ITSN1: variants seen among roughly 807,000 people sequenced by gnomAD.
ITSN1 encodes the protein intersectin 1, also known as intersectin-1.
A neutral mutation model predicts 239.8 loss-of-function variants in ITSN1; 58 were observed. The ratio of observed to expected loss-of-function variants is 0.24; its 90% confidence interval spans 0.20 to 0.30. The LOEUF is 0.30. Among genes scored for constraint, ITSN1 ranks in the 10% least tolerant of loss-of-function variants. The pLI is 1.00. For synonymous variants in ITSN1, 780 were observed against 770.8 expected, an observed-to-expected ratio of 1.01 and a Z score of -0.20; for missense variants, 1,558 against 2,103.3, an observed-to-expected ratio of 0.74 and a Z score of 5.07.
intron 1 of ITSN1, among the ~76,000 whole-genome samples, chr21:33,705,911 A>G (rs371090367): frequency 6.6e-6 from 1 of 151,880 alleles, no homozygotes; most frequent in African/African-American, 2.4e-5. Flanking sequence ...AGCAGCTTTA[A>G]TTTTTTTTCT....
intron 14 of ITSN1, among the ~76,000 whole-genome samples, chr21:33,776,024 G>T (rs1187411823): frequency 6.6e-6 from 1 of 152,080 alleles, no homozygotes; most frequent in East Asian, 1.9e-4. Flanking sequence ...TTTGAGATGT[G>T]TCCATGTTAC....
chr21:33,663,759 C>T (rs879477080), intron 1 of ITSN1, among the ~76,000 whole-genome samples: 1 of 152,184 alleles, frequency 6.6e-6, no homozygotes, highest in Non-Finnish European at 1.5e-5. Flanking sequence ...TGCATCACCA[C>T]GCCTGGCTAA....
chr21:33,847,641 C>T (rs1049013326), intron 29 of ITSN1, among the ~76,000 whole-genome samples: 6 of 152,004 alleles, frequency 3.9e-5, no homozygotes, highest in African/African-American at 1.2e-4. Flanking sequence ...TCAGAGGGCC[C>T]GAAGAGTGGA....
intron 25 of ITSN1, among the ~76,000 whole-genome samples, chr21:33,824,048 TCTG>T (rs2073840991): frequency 6.6e-6 from 1 of 152,234 alleles, no homozygotes; most frequent in Non-Finnish European, 1.5e-5. Context: ...ACAGAAGTAT[TCTG>T]GTGATAATCG....
intron 33 of ITSN1, among the ~76,000 whole-genome samples, chr21:33,870,888 T>G (rs887122442): frequency 3.9e-5 from 6 of 152,168 alleles, no homozygotes; most frequent in Non-Finnish European, 4.4e-5. Flanking sequence ...AGCAGGTAGA[T>G]GGGACATGGC....
chr21:33,882,238 C>T lies in ITSN1; in HGVS notation c.4342-5C>T, dbSNP rs1407324862. The T allele has an allele frequency of 3.1e-6, 5 of 1,611,612 alleles. No individual in the cohort carries two copies. Among genetic ancestry groups the T allele is most frequent in the Non-Finnish European group, 4.2e-6 (5 of 1,179,188 alleles). On this transcript the variant is annotated splice_region_variant and splice_polypyrimidine_tract_variant and intron_variant, in intron 34 of 39. Coordinates refer to ENST00000381318, the MANE Select transcript of ITSN1 (RefSeq NM_003024.3). This position sits in a 1 kb window ranked among gnomAD's most constrained non-coding sequence, Gnocchi z 4.5. ...TACACTTTGGGTTTTGTTTTCCTTT[C>T]TCAGCAACTTGTGTTCAATTCAGTG...
chr21:33,764,387 G>A (rs2068576200), intron 9 of ITSN1, among the ~76,000 whole-genome samples: 1 of 152,132 alleles, frequency 6.6e-6, no homozygotes, highest in Non-Finnish European at 1.5e-5. Context: ...ACACAAAAAG[G>A]AACAGAATAA....
chr21:33,680,862 C>T (rs189286386), intron 1 of ITSN1, among the ~76,000 whole-genome samples: 10 of 152,302 alleles, frequency 6.6e-5, no homozygotes, highest in East Asian at 1.9e-4. Flanking sequence ...ATCCCTTGCT[C>T]GTAGGTTATT....
At chr21:33,794,317 G>A in intron 16 of ITSN1, 24 bp from the exon 17 acceptor site, 1 of 1,568,394 alleles carries the variant, frequency 6.4e-7, no homozygotes, top group South Asian at 1.1e-5. Context: ...GTCGCTACAT[G>A]AACTGTTTCT....
rs58496273 is a variant in ITSN1, at chr21:33,784,310, A to AACACACACACACACACACAC, written c.1824+2202_1824+2221dup. ...AAAGGGTGAAGCCCTGTCTCTACAA[A>AACACACACACACACACACAC]ACACACACACACACACACACACACA... is the stretch of plus-strand genomic sequence containing the variant. On this transcript the variant is annotated intron_variant, in intron 16 of 39. Transcript: ENST00000381318. 9.3e-3 allele frequency among the ~76,000 whole-genome samples: 1,252 copies of AACACACACACACACACACAC among 134,172 alleles called. 10 individuals carry two copies. Among genetic ancestry groups the AACACACACACACACACACAC allele is most frequent in the Admixed American group, 0.016 (205 of 12,806 alleles). 88.0% of individuals were successfully genotyped at this position (134,172 alleles called of 152,430 possible).
chr21:33,733,022 C>G (rs1027951541), intron 4 of ITSN1, among the ~76,000 whole-genome samples: 7 of 152,146 alleles, frequency 4.6e-5, no homozygotes, highest in African/African-American at 1.7e-4. Flanking sequence ...AAATCCCCTT[C>G]TAAGGCAGTT....
In ITSN1 at chr21:33,794,419, C is replaced by G. The variant is rs2071379449; in HGVS notation, c.1903C>G (p.Gln635Glu). 2 of 1,613,694 alleles carry G rather than the reference C, an allele frequency of 1.2e-6. No individual in the cohort carries two copies. Among genetic ancestry groups the G allele is most frequent in the East Asian group, 4.5e-5 (2 of 44,860 alleles). ...MEAERLKQKE[Q>E]ERKIIELEKQ... ...GGCTGAACGACTGAAACAGAAAGAA[C>G]AAGAACGAAAGATCATAGAATTAGA... is the stretch of plus-strand genomic sequence containing the variant. The change falls in exon 17 of 40, where the codon CAA becomes GAA. Residue 635 changes from glutamine to glutamate, a missense_variant. Around this residue, in one of 2 missense-constraint regions of ITSN1, gnomAD observed 982 missense variants for 1,209.9 expected, o/e 0.81. Transcript: ENST00000381318.
chr21:33,718,725 G>A (rs369025706), intron 1 of ITSN1, 72 bp from the exon 2 acceptor site: 1 of 933,406 alleles, frequency 1.1e-6, no homozygotes, highest in East Asian at 2.4e-5. Context: ...ATTAAAGATA[G>A]CATGTTGGTG....
intron 1 of ITSN1, among the ~76,000 whole-genome samples, chr21:33,651,094 G>T (rs1459278431): frequency 6.6e-6 from 1 of 152,240 alleles, no homozygotes; most frequent in Non-Finnish European, 1.5e-5. Flanking sequence ...GACACGCAAG[G>T]GTTATTTGTT....
intron 27 of ITSN1, among the ~76,000 whole-genome samples, chr21:33,830,482 G>A (rs949797233): frequency 2.6e-5 from 4 of 152,188 alleles, no homozygotes; most frequent in Non-Finnish European, 5.9e-5. Flanking sequence ...ATGATGAGCA[G>A]TGGGGAGACC....
intron 29 of ITSN1, among the ~76,000 whole-genome samples, chr21:33,852,485 T>A (rs1207265816): frequency 6.6e-6 from 1 of 152,218 alleles, no homozygotes; most frequent in Admixed American, 6.5e-5. Flanking sequence ...ATGATGCTGT[T>A]CATACAAATA....
intron 16 of ITSN1, among the ~76,000 whole-genome samples, chr21:33,787,242 G>A (rs940456426): frequency 1.3e-4 from 20 of 152,196 alleles, no homozygotes; most frequent in African/African-American, 4.6e-4. Flanking sequence ...AAATGTGAAA[G>A]CGCTCAGTTG....
chr21:33,705,879 T>A (rs1481118334), intron 1 of ITSN1, among the ~76,000 whole-genome samples: 1 of 152,216 alleles, frequency 6.6e-6, no homozygotes, highest in African/African-American at 2.4e-5. Context: ...TGACTATATA[T>A]TTAGTGAGTT....
intron 1 of ITSN1, among the ~76,000 whole-genome samples, chr21:33,703,544 G>C (rs1376738435): frequency 6.6e-6 from 1 of 152,078 alleles, no homozygotes; most frequent in African/African-American, 2.4e-5. Flanking sequence ...AAAATATCTA[G>C]GTCCAGCAAT....
Sources: gnomAD v4.1 joint callset for allele counts (sites outside exome capture counted in the v4.1 genomes callset) on GRCh38, gnomAD v4.1.1 for gene constraint, gnomAD v4.1.1 regional missense constraint, Gnocchi (gnomAD v3.1) non-coding constraint, MANE v1.5 for transcripts, NCBI Gene and HGNC (gene_info 2026-07-23, HGNC 2026-07-21) for gene names.